FNDC3A: variants seen among roughly 807,000 people sequenced by gnomAD.
The protein encoded by FNDC3A is fibronectin type III domain containing 3A.
A neutral mutation model predicts 148.9 loss-of-function variants in FNDC3A; 32 were observed. The observed-to-expected ratio is 0.21, with a 90% confidence interval of 0.16 to 0.29. The LOEUF is 0.29. Ranked by LOEUF, FNDC3A falls within the 10% of genes least tolerant of loss-of-function variation. FNDC3A has a pLI of 1.00. For synonymous variants in FNDC3A, 472 were observed against 473.6 expected (o/e 1.00, Z 0.04); for missense variants, 1,191 against 1,452.8 (o/e 0.82, Z 2.93).
intron 1 of FNDC3A, among the ~76,000 whole-genome samples, chr13:48,977,207 A>C (rs1951619914): frequency 6.6e-6 from 1 of 151,922 alleles, no homozygotes; most frequent in Admixed American, 6.6e-5. Flanking sequence ...CGGTATAATC[A>C]TTATGTGTTC....
chr13:49,179,596 A>G (rs187644221), intron 14 of FNDC3A, among the ~76,000 whole-genome samples: 262 of 152,296 alleles, frequency 1.7e-3, no homozygotes, highest in African/African-American at 6.2e-3. Context: ...ATTAGTTGGT[A>G]TTATACTGTA....
At chr13:49,139,178 G>A (rs935520333) in intron 7 of FNDC3A, among the ~76,000 whole-genome samples, 16 of 152,182 alleles carry the variant, frequency 1.1e-4, no homozygotes, top group African/African-American at 3.9e-4. Context: ...AATCAGGGAA[G>A]CTTTCTCTGA....
chr13:49,185,231 A>G (rs1170836355), intron 14 of FNDC3A, among the ~76,000 whole-genome samples: 2 of 152,352 alleles, frequency 1.3e-5, no homozygotes, highest in African/African-American at 4.8e-5. Context: ...ATATTTCTCT[A>G]TTGCTTTATA....
chr13:49,103,378 T>C (rs1451610444), intron 3 of FNDC3A, among the ~76,000 whole-genome samples: 3 of 152,230 alleles, frequency 2.0e-5, no homozygotes, highest in Non-Finnish European at 4.4e-5. Flanking sequence ...TTGACAAGGA[T>C]AGACTGGTAT....
intron 8 of FNDC3A, among the ~76,000 whole-genome samples, chr13:49,150,943 C>CA (rs35888648): frequency 0.095 from 10,144 of 107,014 alleles, 1,036 homozygotes; most frequent in African/African-American, 0.26. Context: ...GACTCCGTCT[C>CA]AAAAAAAAAA....
chr13:49,201,917 C>G lies in FNDC3A; in HGVS notation c.3105C>G (p.Ser1035=), dbSNP rs1450569951. Residue 1035 remains serine (S), a synonymous_variant, in exon 24 of 26, where the codon TCC becomes TCG. Coordinates refer to ENST00000492622, the MANE Select transcript of FNDC3A (RefSeq NM_001079673.2). The part of the protein sequence containing the change: ...ACNEAGEGPL[S]QEYIFTTPKS... Reference sequence around the variant, plus strand: ...ATGAAGCTGGGGAAGGTCCCCTCTCCCAAGAATATATTTTCACTACTCCAA... The same window carrying G: ...ATGAAGCTGGGGAAGGTCCCCTCTCGCAAGAATATATTTTCACTACTCCAA... 3.3e-5 allele frequency: 52 copies of G among 1,590,632 alleles called. No homozygotes were observed. The highest frequency in any genetic ancestry group is 4.1e-5 in the Non-Finnish European group (48 of 1,168,954).
chr13:49,054,263 T>A (rs1876063746), intron 2 of FNDC3A, among the ~76,000 whole-genome samples: 1 of 152,190 alleles, frequency 6.6e-6, no homozygotes, highest in African/African-American at 2.4e-5. Flanking sequence ...GTTTTGACAT[T>A]ATAAACTTTA....
intron 6 of FNDC3A, among the ~76,000 whole-genome samples, chr13:49,137,185 T>TTA (rs1480412786): frequency 9.9e-5 from 15 of 152,122 alleles, no homozygotes; most frequent in Admixed American, 6.5e-5. Context: ...TAGCAAATAG[T>TTA]TATATCATTT....
chr13:49,052,924 C>T (rs1875945787), intron 2 of FNDC3A, among the ~76,000 whole-genome samples: 1 of 152,092 alleles, frequency 6.6e-6, no homozygotes, highest in Admixed American at 6.6e-5. Context: ...GGTGTGGTTC[C>T]CAGTCCAATG....
At chr13:49,095,254 T>C (rs535756229) in intron 3 of FNDC3A, 1 of 152,132 alleles carries the variant, frequency 6.6e-6, no homozygotes, top group South Asian at 2.1e-4. Flanking sequence ...ATCAGACATA[T>C]GAAGGTTATC....
chr13:49,132,622 A>G (rs987817003), intron 5 of FNDC3A, among the ~76,000 whole-genome samples: 1 of 152,216 alleles, frequency 6.6e-6, no homozygotes, highest in African/African-American at 2.4e-5. Context: ...TCTGGTTGCA[A>G]ACTGCTCTTG....
rs1884607527 is a variant in FNDC3A, at chr13:49,168,711, T to C, written c.1136T>C (p.Ile379Thr). 4.3e-6 allele frequency: 7 copies of C among 1,613,730 alleles called. No individual in the cohort carries two copies. Among genetic ancestry groups the C allele is most frequent in the Non-Finnish European group, 5.9e-6 (7 of 1,179,726 alleles). ...CCTGATATACCTAATCCACCAAGGA[T>C]AGCCAATCGGACCAAAAATTCACTC... ...CEPDIPNPPR[I>T]ANRTKNSLTL... The change falls in exon 10 of 26, where the codon ATA becomes ACA. Residue 379 changes from isoleucine (I) to threonine (T), a missense_variant. Physicochemically the swap from Ile to Thr is moderately conservative, Grantham distance 89. Around this residue, in one of 3 missense-constraint regions of FNDC3A, gnomAD observed 426 missense variants for 473.2 expected, o/e 0.90. Transcript: ENST00000492622.
chr13:49,105,661 A>G (rs1352139474), intron 3 of FNDC3A, among the ~76,000 whole-genome samples: 1 of 152,210 alleles, frequency 6.6e-6, no homozygotes, highest in Non-Finnish European at 1.5e-5. Context: ...GATCATCCCC[A>G]AATACGCTTC....
intron 3 of FNDC3A, among the ~76,000 whole-genome samples, chr13:49,094,068 G>A (rs1452932680): frequency 6.6e-6 from 1 of 152,042 alleles, no homozygotes; most frequent in East Asian, 1.9e-4. Context: ...TTTGAAAAAG[G>A]CTCTTTCTTC....
At chr13:49,171,964 A>T (rs1372149266) in intron 10 of FNDC3A, 79 bp from the exon 11 acceptor site, 1 of 975,630 alleles carries the variant, frequency 1.0e-6, no homozygotes, top group Non-Finnish European at 1.6e-6. Context: ...CATAAACTAG[A>T]TCCTTATATT....
At chr13:49,177,665 A>C (rs894785000) in intron 13 of FNDC3A, among the ~76,000 whole-genome samples, 1 of 152,212 alleles carries the variant, frequency 6.6e-6, no homozygotes, top group Non-Finnish European at 1.5e-5. Flanking sequence ...GATAAACAAA[A>C]TGTGGTGTAT....
chr13:49,025,213 A>C (rs1873613672), intron 2 of FNDC3A, among the ~76,000 whole-genome samples: 1 of 152,024 alleles, frequency 6.6e-6, no homozygotes. Context: ...AATTTAGCAC[A>C]TGAGTGTGCC....
intron 2 of FNDC3A, among the ~76,000 whole-genome samples, chr13:49,036,949 A>G (rs1874534194): frequency 6.6e-6 from 1 of 152,198 alleles, no homozygotes; most frequent in Non-Finnish European, 1.5e-5. Context: ...GAGGCTATTG[A>G]CCATTAGAAC....
chr13:48,985,166 C>A (rs2137552379), intron 1 of FNDC3A, among the ~76,000 whole-genome samples: 1 of 152,072 alleles, frequency 6.6e-6, no homozygotes, highest in South Asian at 2.1e-4. Context: ...AATTAATATT[C>A]AAGGTATATA....
Sources: allele counts gnomAD v4.1 joint callset (sites outside exome capture counted in the v4.1 genomes callset), GRCh38; gene constraint gnomAD v4.1.1; regional missense constraint gnomAD v4.1.1; transcripts MANE v1.5; gene names NCBI Gene and HGNC (gene_info 2026-07-23, HGNC 2026-07-21).